Variants in NTM observed in about 807,000 individuals in gnomAD.
NTM encodes IgLON family member 2.
NTM carries 13 observed loss-of-function variants against 42.1 expected under a neutral mutation model. That is an observed-to-expected ratio of 0.31 (90% CI 0.20 to 0.49). The LOEUF (loss-of-function observed/expected upper bound fraction) is 0.49. NTM is among the 20% of genes least tolerant of loss of function. The pLI is 0.99. For missense variants in NTM, 373 were observed against 452.8 expected, an observed-to-expected ratio of 0.82 and a Z score of 1.60; for synonymous variants, 187 against 179.2, an observed-to-expected ratio of 1.04 and a Z score of -0.35.
At chr11:132,185,983 C>T (rs1476691164) in intron 3 of NTM, among the ~76,000 whole-genome samples, 9 of 152,216 alleles carry the variant, frequency 5.9e-5, no homozygotes, top group Non-Finnish European at 7.3e-5. Flanking sequence ...GCCTATTCAT[C>T]GCTTTCCCAC....
At chr11:131,658,157 C>G (rs920586893) in intron 1 of NTM, among the ~76,000 whole-genome samples, 24 of 152,302 alleles carry the variant, frequency 1.6e-4, no homozygotes, top group African/African-American at 5.5e-4. Flanking sequence ...GGGCTAGGAT[C>G]TTAGTTCCAT....
At chr11:131,798,189 G>A in intron 1 of NTM, among the ~76,000 whole-genome samples, 1 of 152,182 alleles carries the variant, frequency 6.6e-6, no homozygotes, top group East Asian at 1.9e-4. Flanking sequence ...CCGTAGCGTG[G>A]TCCTCATGAT....
At chr11:131,551,457 G>C (rs963949969) in intron 1 of NTM, among the ~76,000 whole-genome samples, 1 of 151,728 alleles carries the variant, frequency 6.6e-6, no homozygotes, top group African/African-American at 2.4e-5. Flanking sequence ...AATGAACCTG[G>C]TATCTACTAT....
chr11:131,996,899 G>A (rs1260024898), intron 2 of NTM, among the ~76,000 whole-genome samples: 1 of 152,146 alleles, frequency 6.6e-6, no homozygotes, highest in African/African-American at 2.4e-5. Flanking sequence ...TCTAGATGGA[G>A]GGAAACACTC....
At chr11:131,620,215 T>A (rs1228412662) in intron 1 of NTM, among the ~76,000 whole-genome samples, 1 of 152,170 alleles carries the variant, frequency 6.6e-6, no homozygotes, top group Non-Finnish European at 1.5e-5. Context: ...TAAAGTTTTC[T>A]TTACAGACAT....
chr11:131,593,099 CA>C (rs1187348119), intron 1 of NTM, among the ~76,000 whole-genome samples: 1 of 152,162 alleles, frequency 6.6e-6, no homozygotes, highest in Non-Finnish European at 1.5e-5. Flanking sequence ...CAACATGCAG[CA>C]AAAAGCAAAC....
At chr11:131,494,636 G>A in intron 1 of NTM, among the ~76,000 whole-genome samples, 1 of 152,134 alleles carries the variant, frequency 6.6e-6, no homozygotes, top group Non-Finnish European at 1.5e-5. Flanking sequence ...CCATGGTCTG[G>A]CAAAATATCT....
At chr11:131,738,606 T>G (rs578189164) in intron 1 of NTM, among the ~76,000 whole-genome samples, 2 of 152,334 alleles carry the variant, frequency 1.3e-5, no homozygotes, top group South Asian at 4.1e-4. Flanking sequence ...ATCCTAACTT[T>G]CATAGTCAAT....
At position 131,904,367 on chromosome 11, in the gene NTM, CTCTT is replaced by C. The variant is rs570187800; in HGVS notation, c.83-7193_83-7190del. 1.9e-3 allele frequency among the ~76,000 whole-genome samples: 282 copies of C among 152,222 alleles called. 1 individual carries two copies. The highest frequency in any genetic ancestry group is 6.7e-3 in the African/African-American group (278 of 41,546). Reference sequence around the variant, plus strand: ...CTTGATAAAATTGCCATTCCTAGGGCTCTTTCTGTTTGAGAAGGCACTTCCCTAC... The same window carrying C: ...CTTGATAAAATTGCCATTCCTAGGGCTCTGTTTGAGAAGGCACTTCCCTAC... On this transcript the variant is annotated intron_variant, in intron 1 of 8. Transcript: ENST00000683400.
At chr11:131,578,625 T>G (rs534141772) in intron 1 of NTM, among the ~76,000 whole-genome samples, 3 of 152,184 alleles carry the variant, frequency 2.0e-5, no homozygotes, top group Admixed American at 6.5e-5. Context: ...AGACTCAAAC[T>G]ATATGAAATT....
chr11:131,565,443 G>T (rs1363216297), intron 1 of NTM, among the ~76,000 whole-genome samples: 2 of 152,304 alleles, frequency 1.3e-5, no homozygotes, highest in South Asian at 4.1e-4. Flanking sequence ...GGCGGTGAGA[G>T]CGGGGTTGGT....
At chr11:132,000,578 G>T (rs151105273) in intron 2 of NTM, among the ~76,000 whole-genome samples, 1 of 152,070 alleles carries the variant, frequency 6.6e-6, no homozygotes, top group Admixed American at 6.6e-5. Context: ...CCATTGTGTG[G>T]CATGATTTTA....
intron 2 of NTM, among the ~76,000 whole-genome samples, chr11:132,090,748 G>A (rs2060279940): frequency 6.6e-6 from 1 of 151,990 alleles, no homozygotes; most frequent in South Asian, 2.1e-4. Context: ...ATCTATCACT[G>A]TCAGACTCTT....
chr11:131,706,556 T>C (rs1283713883), intron 1 of NTM, among the ~76,000 whole-genome samples: 1 of 151,970 alleles, frequency 6.6e-6, no homozygotes. Flanking sequence ...AGTGCACATA[T>C]AACATTCTCC....
chr11:131,724,095 A>G (rs2078680324), intron 1 of NTM, among the ~76,000 whole-genome samples: 1 of 152,176 alleles, frequency 6.6e-6, no homozygotes, highest in South Asian at 2.1e-4. Flanking sequence ...TTCAAAAACC[A>G]GGGCTGTAAT....
chr11:132,239,009 C>G (rs2089660604), intron 4 of NTM, among the ~76,000 whole-genome samples: 1 of 152,144 alleles, frequency 6.6e-6, no homozygotes. Context: ...GAAATGAATT[C>G]CTTTTGCTCC....
intron 1 of NTM, among the ~76,000 whole-genome samples, chr11:131,640,249 T>G (rs1294452326): frequency 6.6e-6 from 1 of 152,166 alleles, no homozygotes; most frequent in East Asian, 1.9e-4. Context: ...TACTTCCTGA[T>G]GCTGGAAGGA....
chr11:131,491,910 C>T (rs1432450762), intron 1 of NTM, among the ~76,000 whole-genome samples: 1 of 152,190 alleles, frequency 6.6e-6, no homozygotes, highest in Non-Finnish European at 1.5e-5. Flanking sequence ...TAACATAACT[C>T]ATTTTCCTGA....
At chr11:131,823,282 C>T (rs1288630536) in intron 1 of NTM, among the ~76,000 whole-genome samples, 1 of 152,204 alleles carries the variant, frequency 6.6e-6, no homozygotes, top group African/African-American at 2.4e-5. Flanking sequence ...AGAAGCCACA[C>T]ATGTCCTCAG....
Sources: gnomAD v4.1 joint callset for allele counts (sites outside exome capture counted in the v4.1 genomes callset) on GRCh38, gnomAD v4.1.1 for gene constraint, MANE v1.5 for transcripts, NCBI Gene and HGNC (gene_info 2026-07-23, HGNC 2026-07-21) for gene names.